UTP18: variants seen among roughly 807,000 people sequenced by gnomAD.
UTP18 encodes UTP18 small subunit processome component, also known as U3 small nucleolar RNA-associated protein 18 homolog.
A neutral mutation model predicts 61.1 loss-of-function variants in UTP18; 36 were observed. That is an observed-to-expected ratio of 0.59 (90% CI 0.45 to 0.78). The LOEUF (loss-of-function observed/expected upper bound fraction) is 0.78. Among genes scored for constraint, UTP18 ranks in the 30% least tolerant of loss-of-function variants. The probability of loss-of-function intolerance (pLI) is 0.00; values close to 1 mark genes in which losing one functional copy is unlikely to be tolerated. For missense variants in UTP18, 753 were observed against 693.9 expected, an observed-to-expected ratio of 1.09 and a Z score of -0.96; for synonymous variants, 282 against 251.1, an observed-to-expected ratio of 1.12 and a Z score of -1.16.
intron 11 of UTP18, among the ~76,000 whole-genome samples, chr17:51,290,444 T>TTTGCTGGA (rs1264668032): frequency 6.6e-6 from 1 of 151,926 alleles, no homozygotes; most frequent in Admixed American, 6.6e-5. Flanking sequence ...AACAAAATGG[T>TTTGCTGGA]TTGCTGGAAA....
At chr17:51,285,464 T>C in intron 10 of UTP18, 96 bp downstream of exon 10, 2 of 1,408,422 alleles carry the variant, frequency 1.4e-6, no homozygotes, top group Non-Finnish European at 1.9e-6. Context: ...AGTAGTTCTC[T>C]TTATAAACTA....
chr17:51,275,843 A>G (rs1342587830), intron 5 of UTP18, 23 bp from the exon 6 acceptor site: 1 of 1,578,234 alleles, frequency 6.3e-7, no homozygotes, highest in African/African-American at 1.4e-5. Flanking sequence ...AATTGATAAA[A>G]TCCCAGCTTT....
chr17:51,274,565 G>A (rs1323162811), intron 5 of UTP18, among the ~76,000 whole-genome samples: 1 of 151,768 alleles, frequency 6.6e-6, no homozygotes, highest in African/African-American at 2.4e-5. Context: ...CCTCAGCCAC[G>A]CAAGTAGCTG....
At chr17:51,265,848 C>A (rs1302735486) in intron 2 of UTP18, among the ~76,000 whole-genome samples, 1 of 152,182 alleles carries the variant, frequency 6.6e-6, no homozygotes, top group Non-Finnish European at 1.5e-5. Context: ...AGGCGTGAGC[C>A]ACCACGCTGG....
intron 1 of UTP18, among the ~76,000 whole-genome samples, chr17:51,261,167 G>C (rs1360639252): frequency 6.6e-6 from 1 of 152,250 alleles, no homozygotes; most frequent in African/African-American, 2.4e-5. Flanking sequence ...GCCGCTGCTC[G>C]GGTATCTGCT....
intron 6 of UTP18, 112 bp downstream of exon 6, chr17:51,276,103 T>A (rs1904712133): frequency 2.7e-6 from 3 of 1,112,986 alleles, no homozygotes; most frequent in Non-Finnish European, 3.7e-6. Context: ...AGCTAAAACA[T>A]CATAGCCCGA....
At chr17:51,274,237 A>G (rs941638888) in intron 5 of UTP18, among the ~76,000 whole-genome samples, 2 of 152,190 alleles carry the variant, frequency 1.3e-5, no homozygotes, top group African/African-American at 4.8e-5. Flanking sequence ...CTTTCTGCTC[A>G]AATGGCACCT....
chr17:51,283,687 C>A (rs1181008112), intron 9 of UTP18, among the ~76,000 whole-genome samples: 1 of 149,708 alleles, frequency 6.7e-6, no homozygotes, highest in Non-Finnish European at 1.5e-5. Context: ...GATCTTGGCT[C>A]ACTACATCCT....
At position 51,280,375 on chromosome 17, in the gene UTP18, A is replaced by G. The variant is rs773565125; in HGVS notation, c.1114-14A>G. ...ACTTTCTAACAGTTTGATAAATAAT[A>G]TTTATTGTTTTAGACCAAAGAACTG... On this transcript the variant is annotated splice_polypyrimidine_tract_variant and intron_variant, in intron 8 of 13. Coordinates refer to ENST00000225298, the MANE Select transcript of UTP18 (RefSeq NM_016001.3). The G allele has an allele frequency of 2.5e-6, 4 of 1,611,178 alleles. No homozygotes were observed. In the Admixed American group the frequency reaches 5.0e-5, roughly 20 times the overall value.
chr17:51,290,644 C>T (rs868801665), intron 11 of UTP18, among the ~76,000 whole-genome samples: 27 of 152,248 alleles, frequency 1.8e-4, no homozygotes, highest in African/African-American at 6.5e-4. Context: ...GGATCTATCT[C>T]CTGTTGACAT....
At chr17:51,293,624 A>G (rs983579152) in intron 11 of UTP18, among the ~76,000 whole-genome samples, 1 of 151,934 alleles carries the variant, frequency 6.6e-6, no homozygotes, top group Admixed American at 6.6e-5. Flanking sequence ...CCTGTCCACC[A>G]TTGGAGTGAT....
At position 51,260,725 on chromosome 17, in the gene UTP18, G is replaced by A. The variant is rs762977343; in HGVS notation, c.141G>A (p.Gln47=). 4 of 1,594,698 alleles carry A rather than the reference G, an allele frequency of 2.5e-6. 1 individual carries two copies. Among genetic ancestry groups the A allele is most frequent in the South Asian group, 2.2e-5 (2 of 89,314 alleles). Residue 47 remains glutamine, a synonymous_variant, in exon 1 of 14, where the codon CAG becomes CAA. Transcript: ENST00000225298. Reference sequence around the variant, plus strand: ...CCCAAAAGCCTGCCCCTTCATCCCAGCGGAAACCGCCGGCCCGGCCGAGCG... The same window carrying A: ...CCCAAAAGCCTGCCCCTTCATCCCAACGGAAACCGCCGGCCCGGCCGAGCG... ...GPPQKPAPSS[Q]RKPPARPSAA...
intron 2 of UTP18, among the ~76,000 whole-genome samples, chr17:51,264,409 C>T (rs561125281): frequency 6.6e-6 from 1 of 152,050 alleles, no homozygotes; most frequent in Admixed American, 6.5e-5. Context: ...ATGTATAAAC[C>T]TTTCTTTATT....
At chr17:51,262,748 C>T (rs2055520063) in intron 1 of UTP18, among the ~76,000 whole-genome samples, 1 of 152,150 alleles carries the variant, frequency 6.6e-6, no homozygotes, top group Non-Finnish European at 1.5e-5. Flanking sequence ...GACGAGATCT[C>T]CCTATGTTGC....
At chr17:51,267,059 C>T (rs1214237416) in intron 3 of UTP18, among the ~76,000 whole-genome samples, 2 of 152,098 alleles carry the variant, frequency 1.3e-5, no homozygotes, top group African/African-American at 4.8e-5. Context: ...AGCTCCTGGA[C>T]TCAAGAAATC....
intron 3 of UTP18, among the ~76,000 whole-genome samples, chr17:51,266,800 A>C (rs1362453290): frequency 6.6e-6 from 1 of 152,140 alleles, no homozygotes; most frequent in African/African-American, 2.4e-5. Flanking sequence ...CGGCTAGTCC[A>C]TGTTAGTTTC....
chr17:51,294,098 A>G, intron 12 of UTP18, 53 bp downstream of exon 12: 1 of 1,428,370 alleles, frequency 7.0e-7, no homozygotes, highest in Non-Finnish European at 9.3e-7. Context: ...TACTTCTGAC[A>G]GTATGAAGAG....
At chr17:51,261,014 CCTG>C in intron 1 of UTP18, 88 bp downstream of exon 1, 3 of 1,215,752 alleles carry the variant, frequency 2.5e-6, no homozygotes, top group Non-Finnish European at 3.2e-6. Flanking sequence ...GCCTGGGCGA[CCTG>C]CGGCGGCGGG....
chr17:51,261,367 G>A (rs747939454), intron 1 of UTP18, among the ~76,000 whole-genome samples: 1 of 152,192 alleles, frequency 6.6e-6, no homozygotes, highest in Non-Finnish European at 1.5e-5. Flanking sequence ...GTGACTATGA[G>A]ACCCACCATG....
Sources: allele counts gnomAD v4.1 joint callset (sites outside exome capture counted in the v4.1 genomes callset), GRCh38; gene constraint gnomAD v4.1.1; transcripts MANE v1.5; gene names NCBI Gene and HGNC (gene_info 2026-07-23, HGNC 2026-07-21).